Variants in DLG5 observed in about 807,000 individuals in gnomAD.
The protein encoded by DLG5 is disks large homolog 5.
A neutral mutation model predicts 189.8 loss-of-function variants in DLG5; 48 were observed. The ratio of observed to expected loss-of-function variants is 0.25; its 90% CI spans 0.20 to 0.32. The LOEUF (loss-of-function observed/expected upper bound fraction) is 0.32. Ranked by LOEUF, DLG5 falls within the 10% of genes least tolerant of loss-of-function variation. The probability of loss-of-function intolerance (pLI) is 1.00; values close to 1 mark genes in which losing one functional copy is unlikely to be tolerated. For synonymous variants in DLG5, 1,016 were observed against 1,054.1 expected (o/e 0.96, Z 0.70); for missense variants, 2,160 against 2,544.7 (o/e 0.85, Z 3.25).
chr10:77,856,743 C>T lies in DLG5; in HGVS notation c.523G>A (p.Ala175Thr). Residue 175 changes from alanine to threonine, a missense_variant, in exon 3 of 32, where the codon GCC becomes ACC. This residue lies in a region of DLG5 where 664 missense variants were observed against 838.5 expected (regional missense o/e 0.79). Transcript: ENST00000372391. ...CGCAATTACTACCTCTTGTCAAAGGCCGTGCCATGCGTAGCAAAGGCCAGG... is the reference window on the plus strand; with the variant it reads ...CGCAATTACTACCTCTTGTCAAAGGTCGTGCCATGCGTAGCAAAGGCCAGG... ...KRLAFATHGT[A>T]FDKRPYHRLN... 1.2e-6 allele frequency: 2 copies of T among 1,611,314 alleles called. No individual in the cohort carries two copies. Among genetic ancestry groups the T allele is most frequent in the Non-Finnish European group, 1.7e-6 (2 of 1,178,878 alleles).
At chr10:77,881,790 A>C (rs1435758496) in intron 1 of DLG5, among the ~76,000 whole-genome samples, 1 of 152,174 alleles carries the variant, frequency 6.6e-6, no homozygotes, top group Non-Finnish European at 1.5e-5. Flanking sequence ...AGCTCAAGGT[A>C]AGCTGAGTCA....
rs1343219086 is a variant in DLG5 at position 77,796,429 on chromosome 10, G to C, written c.5308+22C>G. ...AGAGACAAAGAGCCCAGTAGGCACA[G>C]AGGGTGCCCCGTGCCCCTTACCAAG... is the stretch of plus-strand genomic sequence containing the variant. On this transcript the variant is annotated intron_variant, in intron 28 of 31. Coordinates refer to ENST00000372391, the MANE Select transcript of DLG5 (RefSeq NM_004747.4). The surrounding 1 kb of genome is among the most constrained non-coding windows in gnomAD (Gnocchi z 5.2). 1.2e-6 allele frequency: 2 copies of C among 1,614,132 alleles called. No homozygotes were observed. Among genetic ancestry groups the C allele is most frequent in the Non-Finnish European group, 1.7e-6 (2 of 1,180,010 alleles).
chr10:77,876,373 C>T (rs1367566183), intron 1 of DLG5, among the ~76,000 whole-genome samples: 12 of 134,910 alleles, frequency 8.9e-5, no homozygotes, highest in African/African-American at 3.0e-4. Context: ...CCCCATCTCT[C>T]TTTTTTTTTT....
chr10:77,836,010 A>G (rs1187360906), intron 7 of DLG5, 88 bp from the exon 8 acceptor site: 2 of 1,407,798 alleles, frequency 1.4e-6, no homozygotes, highest in Non-Finnish European at 1.9e-6. Flanking sequence ...GCCAAGGCTG[A>G]GGCTCTAGGG....
chr10:77,842,946 T>C (rs992594640), intron 6 of DLG5, among the ~76,000 whole-genome samples: 2 of 152,216 alleles, frequency 1.3e-5, no homozygotes, highest in African/African-American at 4.8e-5. Flanking sequence ...AACTGCTACA[T>C]GCCCCAGAGA....
At chr10:77,885,636 T>G (rs1376833236) in intron 1 of DLG5, among the ~76,000 whole-genome samples, 3 of 152,212 alleles carry the variant, frequency 2.0e-5, no homozygotes, top group Non-Finnish European at 4.4e-5. Flanking sequence ...CTCAATGGAC[T>G]GGGACCCTCC....
In DLG5 at chr10:77,902,363, G is replaced by A. The variant is rs181007072; in HGVS notation, c.304+23854C>T. Among the ~76,000 whole-genome samples the A allele has an allele frequency of 6.2e-4, 94 of 152,228 alleles. 1 individual carries two copies. The highest frequency in any genetic ancestry group is 2.2e-3 in the African/African-American group (93 of 41,538). ...AGCCCAGCAATTTGTATCAACAGCC[G>A]TTCAAAGTCCACACCCTTTGACCCA... On this transcript the variant is annotated intron_variant, in intron 1 of 31. Coordinates refer to ENST00000372391, the MANE Select transcript of DLG5 (RefSeq NM_004747.4).
chr10:77,804,420 G>A (rs1376187312), intron 27 of DLG5, among the ~76,000 whole-genome samples: 1 of 152,230 alleles, frequency 6.6e-6, no homozygotes, highest in Admixed American at 6.5e-5. Context: ...GATAGTGACA[G>A]TGGGCCATGA....
At chr10:77,820,161 C>G in intron 15 of DLG5, 143 bp from the exon 16 acceptor site, 1 of 1,148,174 alleles carries the variant, frequency 8.7e-7, no homozygotes, top group South Asian at 1.6e-5. Context: ...CCCTGGCCAA[C>G]ATGGCGAAAT....
At chr10:77,849,425 A>G (rs181839251) in intron 5 of DLG5, among the ~76,000 whole-genome samples, 1 of 152,032 alleles carries the variant, frequency 6.6e-6, no homozygotes, top group Admixed American at 6.5e-5. Flanking sequence ...CCAGGCATCC[A>G]CTCCACGCCT....
In DLG5 at chr10:77,828,903, A is replaced by T. The variant is rs748637307; in HGVS notation, c.2268T>A (p.Ala756=). ...TTACCGCAACGATCCTGTCTCCCACAGCAAGGGACCCTTCTTTAGCGGCAG... is the reference window on the plus strand; with the variant it reads ...TTACCGCAACGATCCTGTCTCCCACTGCAAGGGACCCTTCTTTAGCGGCAG... ...GSPAAKEGSL[A]VGDRIVAING... is the part of the protein sequence containing the mutation. Residue 756 remains alanine, a synonymous_variant, in exon 13 of 32, where the codon GCT becomes GCA. Coordinates refer to ENST00000372391, the MANE Select transcript of DLG5 (RefSeq NM_004747.4). 1.2e-6 allele frequency: 2 copies of T among 1,614,198 alleles called. No homozygotes were observed. The highest frequency in any genetic ancestry group is 3.3e-5 in the Admixed American group (2 of 60,028).
chr10:77,904,958 A>T (rs1589270952), intron 1 of DLG5, among the ~76,000 whole-genome samples: 1 of 151,610 alleles, frequency 6.6e-6, no homozygotes, highest in Non-Finnish European at 1.5e-5. Flanking sequence ...GTGAAACCCC[A>T]TCTCTACTAA....
chr10:77,845,588 A>AATGGAGGG (rs936769491), intron 5 of DLG5, among the ~76,000 whole-genome samples: 2 of 151,432 alleles, frequency 1.3e-5, no homozygotes, highest in African/African-American at 2.4e-5. Context: ...AAGAGGGAGA[A>AATGGAGGG]ATGGAGGGAA....
chr10:77,853,331 C>A, intron 5 of DLG5, 23 bp downstream of exon 5: 1 of 1,461,156 alleles, frequency 6.8e-7, no homozygotes, highest in Non-Finnish European at 9.2e-7. Flanking sequence ...GAGAAATGGC[C>A]AGTCTCCAGG....
At chr10:77,932,524 C>T in the DLG5 span, among the ~76,000 whole-genome samples, 5 of 152,108 alleles carry the variant, frequency 3.3e-5, no homozygotes, top group African/African-American at 9.7e-5. Context: ...AGTGGCTGGG[C>T]GCCGTGGCTC....
chr10:77,902,315 C>T (rs1013913312), intron 1 of DLG5, among the ~76,000 whole-genome samples: 6 of 152,210 alleles, frequency 3.9e-5, no homozygotes, highest in African/African-American at 1.2e-4. Flanking sequence ...GAACCCCAAG[C>T]GTGAACCCAG....
Position 77,817,815 on chromosome 10 carries a change from G to A in DLG5, c.3746C>T (p.Thr1249Ile), listed in dbSNP as rs1337762349. 4 of 1,555,886 alleles carry A rather than the reference G, an allele frequency of 2.6e-6. No homozygotes were observed. The East Asian group carries it at 9.7e-5, about 38-fold the overall frequency. Reference sequence around the variant, plus strand: ...GGAGGGCAGTGAGTTGGACCCATGGGTGGCTCTCATCTCGGAGTAGTCGCT... The same window carrying A: ...GGAGGGCAGTGAGTTGGACCCATGGATGGCTCTCATCTCGGAGTAGTCGCT... ...TCSDYSEMRA[T>I]HGSNSLPSSA... Residue 1249 changes from threonine to isoleucine, a missense_variant, in exon 18 of 32, where the codon ACC (threonine) becomes ATC (isoleucine). Physicochemically the swap from Thr to Ile is moderately conservative, Grantham distance 89. Transcript: ENST00000372391.
intron 31 of DLG5, chr10:77,792,855 A>T (rs1356356075): frequency 2.7e-6 from 1 of 369,732 alleles, no homozygotes; most frequent in Non-Finnish European, 5.0e-6. Context: ...TGGTCTAATC[A>T]TTAGCAGGAT....
chr10:77,842,248 G>GC, intron 6 of DLG5, 55 bp from the exon 7 acceptor site: 1 of 1,559,552 alleles, frequency 6.4e-7, no homozygotes, highest in Admixed American at 1.7e-5. Flanking sequence ...CCGGTCAGTG[G>GC]CCGGCTGCGC....
Sources: gnomAD v4.1 joint callset for allele counts (sites outside exome capture counted in the v4.1 genomes callset) on GRCh38, gnomAD v4.1.1 for gene constraint, gnomAD v4.1.1 regional missense constraint, Gnocchi (gnomAD v3.1) non-coding constraint, MANE v1.5 for transcripts, NCBI Gene and HGNC (gene_info 2026-07-23, HGNC 2026-07-21) for gene names.